The following RPS24 variants were observed in gnomAD, a reference collection of about 807,000 sequenced individuals.
RPS24 encodes small ribosomal subunit protein eS24.
For synonymous variants in RPS24, 72 were observed against 55.6 expected, an observed-to-expected ratio of 1.30 and a Z score of -1.31; for missense variants, 100 against 162.5, an observed-to-expected ratio of 0.62 and a Z score of 2.09.
At chr10:78,043,516 G>A (rs1210097089), downstream of RPS24, among the ~76,000 whole-genome samples, 3 of 152,174 alleles carry the variant, frequency 2.0e-5, no homozygotes, top group African/African-American at 7.2e-5. Flanking sequence ...ACTCATGACT[G>A]CCAGCAGGGT....
intron 4 of RPS24, among the ~76,000 whole-genome samples, chr10:78,052,585 G>A (rs970647296): frequency 5.9e-5 from 9 of 152,270 alleles, no homozygotes; most frequent in Admixed American, 3.3e-4. Flanking sequence ...GCGAAGGCAC[G>A]GCAGGTTCTG....
At chr10:78,034,120 A>G (rs1387162445) in intron 1 of RPS24, 1 of 461,718 alleles carries the variant, frequency 2.2e-6, no homozygotes, top group East Asian at 4.8e-5. Context: ...TTCGGGCTCC[A>G]GCGCCTGGGC....
chr10:78,054,429 A>T, intron 4 of RPS24: 4 of 1,064,840 alleles, frequency 3.8e-6, no homozygotes, highest in Non-Finnish European at 5.4e-6. Flanking sequence ...CCTGGTACCA[A>T]GTGAGGGAGG....
chr10:78,043,821 C>A (rs1372704327), downstream of RPS24, among the ~76,000 whole-genome samples: 1 of 152,136 alleles, frequency 6.6e-6, no homozygotes, highest in East Asian at 1.9e-4. Flanking sequence ...TATCTAGTTT[C>A]AGTTGCTGTC....
At chr10:78,041,493 G>A (rs1249851268), downstream of RPS24, among the ~76,000 whole-genome samples, 3 of 152,336 alleles carry the variant, frequency 2.0e-5, no homozygotes, top group Middle Eastern at 3.4e-3. Context: ...ACTTTGCTAG[G>A]ACCAGGAAAT....
chr10:78,035,369 C>T lies in RPS24; in HGVS notation c.21C>T (p.Ile7=), dbSNP rs762233086. Residue 7 remains isoleucine (I), a synonymous_variant, in exon 2 of 6, where the codon ATC becomes ATT. Coordinates refer to ENST00000372360, the MANE Select transcript of RPS24 (RefSeq NM_033022.4). The part of the protein sequence containing the change: MNDTVT[I]RTRKFMTNRL... ...GTTTTCAGAACGACACCGTAACTAT[C>T]CGCACTAGAAAGTTCATGACCAACC... 10 of 1,613,996 alleles carry T rather than the reference C, an allele frequency of 6.2e-6. No individual in the cohort carries two copies. The Admixed American group carries it at 1.2e-4, about 19-fold the overall frequency.
chr10:78,041,378 G>C (rs926310914), downstream of RPS24, among the ~76,000 whole-genome samples: 1 of 152,198 alleles, frequency 6.6e-6, no homozygotes, highest in Admixed American at 6.5e-5. Flanking sequence ...TGGGCCTGCT[G>C]GCCAGGGGGT....
chr10:78,041,441 G>T (rs1021528838), downstream of RPS24, among the ~76,000 whole-genome samples: 6 of 152,216 alleles, frequency 3.9e-5, no homozygotes, highest in African/African-American at 1.2e-4. Flanking sequence ...GGTTTGTGGG[G>T]CCTCTGGCCC....
Position 78,034,007 on chromosome 10 carries a change from C to T in RPS24, c.3+103C>T, listed in dbSNP as rs1031646806. 26 of 1,418,126 alleles carry T rather than the reference C, an allele frequency of 1.8e-5. No homozygotes were observed. The Admixed American group carries it at 3.5e-4, about 19-fold the overall frequency. 87.8% of individuals were successfully genotyped at this position (1,418,126 alleles called of 1,614,324 possible). Reference sequence around the variant, plus strand: ...TATAGGCACGCGAAGCCCGGTTGCTCTTCTCTGGCCGTTTCTGTCAGAGGA... The same window carrying T: ...TATAGGCACGCGAAGCCCGGTTGCTTTTCTCTGGCCGTTTCTGTCAGAGGA... On this transcript the variant is annotated intron_variant, in intron 1 of 5. Coordinates refer to ENST00000372360, the MANE Select transcript of RPS24 (RefSeq NM_033022.4).
intron 4 of RPS24, among the ~76,000 whole-genome samples, chr10:78,047,217 C>T (rs976583741): frequency 4.6e-5 from 7 of 151,790 alleles, no homozygotes; most frequent in East Asian, 1.9e-4. Flanking sequence ...CCGCTGGCCT[C>T]GGCCTCCAAA....
At chr10:78,055,202 C>T (rs1297221370) in exon 5 of RPS24, 9 of 919,202 alleles carry the variant, frequency 9.8e-6, no homozygotes, top group Non-Finnish European at 1.0e-5. Flanking sequence ...CACAATCCCC[C>T]ACGACCTGGC....
At chr10:78,034,501 C>G (rs898427062) in intron 1 of RPS24, 2 of 155,222 alleles carry the variant, frequency 1.3e-5, no homozygotes, top group Non-Finnish European at 2.9e-5. Flanking sequence ...TTTTTTTCTC[C>G]TTACCTTTGA....
At chr10:78,034,923 A>T (rs969486652) in intron 1 of RPS24, among the ~76,000 whole-genome samples, 1 of 152,234 alleles carries the variant, frequency 6.6e-6, no homozygotes, top group African/African-American at 2.4e-5. Context: ...ACAGTTGGCT[A>T]AGTCTGGAGA....
intron 1 of RPS24, among the ~76,000 whole-genome samples, chr10:78,034,851 C>T (rs1444093466): frequency 1.3e-5 from 2 of 152,180 alleles, no homozygotes; most frequent in East Asian, 1.9e-4. Flanking sequence ...TTTATATGAG[C>T]CACAGCAGTT....
At chr10:78,036,253 T>G (rs1353194084) in intron 3 of RPS24, 1 of 169,874 alleles carries the variant, frequency 5.9e-6, no homozygotes, top group African/African-American at 2.4e-5. Context: ...TAGATAAACC[T>G]TCCCATACGA....
Position 78,054,851 on chromosome 10 carries a change from C to T in RPS24, c.711C>T (p.Asp237=), listed in dbSNP as rs143953715. ...CTGCTGGTTCTCCCCACCCTGTGGA[C>T]GGTGACTTGGTCCTCCACTTGCCAG... The change falls in exon 5 of 5, where the codon GAC becomes GAT. Residue 237 remains aspartate (D), a synonymous_variant. Transcript: ENST00000440692. 8.5e-4 allele frequency: 1,320 copies of T among 1,551,196 alleles called. 5 individuals are homozygous for T. The African/African-American group carries it at 0.012, about 14-fold the overall frequency.
At chr10:78,051,347 A>G (rs936502908) in intron 4 of RPS24, among the ~76,000 whole-genome samples, 1 of 152,234 alleles carries the variant, frequency 6.6e-6, no homozygotes, top group African/African-American at 2.4e-5. Context: ...TATAGTGTAT[A>G]TAGGTTTTTA....
downstream of RPS24, among the ~76,000 whole-genome samples, chr10:78,042,471 A>C (rs145372897): frequency 4.6e-5 from 7 of 152,250 alleles, no homozygotes; most frequent in Non-Finnish European, 8.8e-5. Context: ...TTTGGAAACT[A>C]GTGCTAAGCA....
At chr10:78,045,304 G>T (rs141981097), downstream of RPS24, among the ~76,000 whole-genome samples, 1 of 151,972 alleles carries the variant, frequency 6.6e-6, no homozygotes, top group Non-Finnish European at 1.5e-5. Context: ...TTAATAACTC[G>T]GAAAAAGGGA....
Sources: gnomAD v4.1 joint callset for allele counts (sites outside exome capture counted in the v4.1 genomes callset) on GRCh38, gnomAD v4.1.1 for gene constraint, MANE v1.5 for transcripts, NCBI Gene and HGNC (gene_info 2026-07-23, HGNC 2026-07-21) for gene names.